MAML2: variants seen among roughly 807,000 people sequenced by gnomAD.
MAML2 encodes mastermind like transcriptional coactivator 2.
In MAML2, 22 loss-of-function variants were observed where a neutral mutation model predicts 96.1. The observed-to-expected ratio is 0.23, with a 90% CI of 0.16 to 0.33. The LOEUF (loss-of-function observed/expected upper bound fraction) is 0.33, where lower values mean the gene tolerates loss of function less well. MAML2 is among the 10% of genes least tolerant of loss of function. The probability of loss-of-function intolerance (pLI) is 1.00; values close to 1 mark genes in which losing one functional copy is unlikely to be tolerated. For synonymous variants in MAML2, 561 were observed against 521.3 expected, an observed-to-expected ratio of 1.08 and a Z score of -1.04; for missense variants, 1,367 against 1,392.4, an observed-to-expected ratio of 0.98 and a Z score of 0.29.
At chr11:96,036,924 T>C (rs577196504) in intron 2 of MAML2, among the ~76,000 whole-genome samples, 17 of 152,236 alleles carry the variant, frequency 1.1e-4, no homozygotes, top group Non-Finnish European at 2.5e-4. Context: ...CTCAGAGGAC[T>C]GTAATCCTAA....
chr11:96,140,609 T>C (rs1410621140), intron 1 of MAML2, among the ~76,000 whole-genome samples: 1 of 152,204 alleles, frequency 6.6e-6, no homozygotes, highest in Non-Finnish European at 1.5e-5. Flanking sequence ...CCAGTTGATA[T>C]AGCCTGGAGC....
At chr11:96,335,290 T>C (rs1202696058) in intron 1 of MAML2, among the ~76,000 whole-genome samples, 2 of 152,234 alleles carry the variant, frequency 1.3e-5, no homozygotes, top group African/African-American at 4.8e-5. Flanking sequence ...TTTTTAATAA[T>C]GAGAATACCT....
intron 1 of MAML2, among the ~76,000 whole-genome samples, chr11:96,141,626 A>T (rs919605550): frequency 1.3e-5 from 2 of 152,168 alleles, no homozygotes; most frequent in African/African-American, 4.8e-5. Context: ...AAAAGGGGTG[A>T]TTCTGAGCAC....
chr11:96,285,280 C>A (rs1863123532), intron 1 of MAML2, among the ~76,000 whole-genome samples: 1 of 152,126 alleles, frequency 6.6e-6, no homozygotes. Flanking sequence ...TAGCCATGTG[C>A]AGAAAATTGA....
intron 2 of MAML2, among the ~76,000 whole-genome samples, chr11:96,017,705 C>A (rs1227818683): frequency 6.6e-6 from 1 of 151,960 alleles, no homozygotes; most frequent in Admixed American, 6.6e-5. Flanking sequence ...AGGGGAGAGC[C>A]TTGTGCACAG....
At chr11:96,013,474 G>A (rs563435378) in intron 2 of MAML2, among the ~76,000 whole-genome samples, 64 of 152,242 alleles carry the variant, frequency 4.2e-4, no homozygotes, top group African/African-American at 1.5e-3. Context: ...AAAGTACTGG[G>A]TAGAGAAAGG....
chr11:96,037,324 G>T (rs960475666), intron 2 of MAML2, among the ~76,000 whole-genome samples: 2 of 152,094 alleles, frequency 1.3e-5, no homozygotes, highest in African/African-American at 4.8e-5. Flanking sequence ...ATCACCAGTG[G>T]CTACAAGATC....
At chr11:96,325,110 T>C (rs1014753038) in intron 1 of MAML2, among the ~76,000 whole-genome samples, 1 of 152,200 alleles carries the variant, frequency 6.6e-6, no homozygotes, top group Non-Finnish European at 1.5e-5. Context: ...CCATTCTTTC[T>C]AGGGGAGTCA....
At chr11:96,203,673 C>A (rs570792) in intron 1 of MAML2, among the ~76,000 whole-genome samples, 20,017 of 152,070 alleles carry the variant, frequency 0.13, 1,407 homozygotes, top group East Asian at 0.24. Flanking sequence ...CAAACATGAA[C>A]ATACTTACTA....
chr11:96,046,114 C>T (rs990822715), intron 2 of MAML2, among the ~76,000 whole-genome samples: 4 of 151,998 alleles, frequency 2.6e-5, no homozygotes, highest in Admixed American at 1.3e-4. Context: ...CAGGAGTATG[C>T]GTCTGAGTTG....
chr11:96,003,162 T>G (rs1042854234), intron 2 of MAML2, among the ~76,000 whole-genome samples: 4 of 150,508 alleles, frequency 2.7e-5, no homozygotes, highest in African/African-American at 9.8e-5. Flanking sequence ...AGGAGGATGA[T>G]GGGGATGATG....
intron 2 of MAML2, among the ~76,000 whole-genome samples, chr11:96,051,043 G>A (rs1858982089): frequency 1.5e-5 from 2 of 132,640 alleles, no homozygotes; most frequent in Admixed American, 8.0e-5. Flanking sequence ...GCTGTTGCAT[G>A]TTGGTTTAGT....
intron 1 of MAML2, among the ~76,000 whole-genome samples, chr11:96,116,410 AG>A (rs1483473883): frequency 6.6e-6 from 1 of 152,146 alleles, no homozygotes; most frequent in Non-Finnish European, 1.5e-5. Context: ...ATAACACTGA[AG>A]ATTTGGATTC....
intron 1 of MAML2, among the ~76,000 whole-genome samples, chr11:96,292,030 T>A (rs1769969219): frequency 6.6e-6 from 1 of 152,182 alleles, no homozygotes; most frequent in South Asian, 2.1e-4. Flanking sequence ...AATACCTGAG[T>A]ACTAAATTTG....
intron 1 of MAML2, among the ~76,000 whole-genome samples, chr11:96,143,108 C>T (rs1001330608): frequency 6.6e-6 from 1 of 152,172 alleles, no homozygotes; most frequent in African/African-American, 2.4e-5. Context: ...CATTGTCTCT[C>T]TTTTTTATTT....
At chr11:96,078,979 G>A (rs369965024) in intron 2 of MAML2, among the ~76,000 whole-genome samples, 13 of 152,300 alleles carry the variant, frequency 8.5e-5, no homozygotes, top group East Asian at 3.9e-4. Flanking sequence ...TTCCTTCTAC[G>A]TAGTGAATTT....
At chr11:96,078,385 C>T (rs895471413) in intron 2 of MAML2, among the ~76,000 whole-genome samples, 1 of 152,180 alleles carries the variant, frequency 6.6e-6, no homozygotes, top group Non-Finnish European at 1.5e-5. Context: ...GTCAAACAGA[C>T]TTTGGATAGG....
At chr11:96,311,494 G>T (rs927492986) in intron 1 of MAML2, among the ~76,000 whole-genome samples, 3 of 152,218 alleles carry the variant, frequency 2.0e-5, no homozygotes, top group Non-Finnish European at 4.4e-5. Context: ...GAAGGCAGCA[G>T]TAGTAGCAGA....
chr11:96,173,973 T>C (rs1274719151), intron 1 of MAML2, among the ~76,000 whole-genome samples: 1 of 152,208 alleles, frequency 6.6e-6, no homozygotes, highest in Non-Finnish European at 1.5e-5. Flanking sequence ...ATCCCCCATG[T>C]GCTAACCACT....
Sources: allele counts gnomAD v4.1 joint callset (sites outside exome capture counted in the v4.1 genomes callset), GRCh38; gene constraint gnomAD v4.1.1; transcripts MANE v1.5; gene names NCBI Gene and HGNC (gene_info 2026-07-23, HGNC 2026-07-21).